TEX10: variants seen among roughly 807,000 people sequenced by gnomAD.
TEX10 encodes the protein testis-expressed protein 10.
Under a neutral mutation model 104.4 loss-of-function variants are expected in TEX10, and 24 were observed. The observed-to-expected ratio is 0.23, with a 90% confidence interval of 0.17 to 0.32. The LOEUF (loss-of-function observed/expected upper bound fraction) is 0.32, where lower values mean the gene tolerates loss of function less well. Among genes scored for constraint, TEX10 ranks in the 10% least tolerant of loss-of-function variants. The pLI, the probability that TEX10 is intolerant of heterozygous loss-of-function variation, is 1.00. For synonymous variants in TEX10, 396 were observed against 393.4 expected, an observed-to-expected ratio of 1.01 and a Z score of -0.08; for missense variants, 921 against 1,083.9, an observed-to-expected ratio of 0.85 and a Z score of 2.11.
At chr9:100,324,330 G>A (rs1192756060) in intron 9 of TEX10, among the ~76,000 whole-genome samples, 3 of 152,068 alleles carry the variant, frequency 2.0e-5, no homozygotes, top group Non-Finnish European at 2.9e-5. Flanking sequence ...CACTGCGCCT[G>A]GCTAGTCTTA....
intron 1 of TEX10, chr9:100,352,546 C>T: frequency 6.5e-7 from 1 of 1,545,978 alleles, no homozygotes; most frequent in Non-Finnish European, 8.7e-7. Flanking sequence ...CAGGCGAACC[C>T]GCCCAGTCAC....
intron 11 of TEX10, among the ~76,000 whole-genome samples, chr9:100,316,137 C>G (rs1382578937): frequency 6.6e-6 from 1 of 152,172 alleles, no homozygotes; most frequent in Non-Finnish European, 1.5e-5. Context: ...CCACAAGATA[C>G]TTGCAAATCA....
At chr9:100,303,898 C>A (rs1588160931) in intron 13 of TEX10, 56 bp from the exon 14 acceptor site, 2 of 1,539,120 alleles carry the variant, frequency 1.3e-6, no homozygotes, top group East Asian at 2.3e-5. Flanking sequence ...GGAAAAGCCC[C>A]CCTTCTATAT....
At chr9:100,346,665 T>C (rs763414227) in intron 3 of TEX10, 29 bp downstream of exon 3, 4 of 1,573,096 alleles carry the variant, frequency 2.5e-6, no homozygotes, top group Non-Finnish European at 3.4e-6. Flanking sequence ...ACAGCAAAAC[T>C]GTGTGGACAT....
chr9:100,338,160 G>A (rs542520381), intron 5 of TEX10, among the ~76,000 whole-genome samples: 1 of 152,240 alleles, frequency 6.6e-6, no homozygotes, highest in Non-Finnish European at 1.5e-5. Flanking sequence ...AGAGGAAGAC[G>A]GGACACTCTT....
chr9:100,303,532 G>A (rs1375474906), intron 14 of TEX10, 100 bp downstream of exon 14: 23 of 1,288,100 alleles, frequency 1.8e-5, no homozygotes, highest in African/African-American at 4.4e-5. Context: ...CTCAATGTAT[G>A]GGATCCCTTT....
intron 13 of TEX10, chr9:100,307,759 A>T (rs891249834): frequency 2.6e-5 from 4 of 152,162 alleles, no homozygotes; most frequent in Non-Finnish European, 5.9e-5. Context: ...GGTTGGTTAA[A>T]TGGAGGTTCA....
At chr9:100,348,214 A>G (rs1170112418) in intron 2 of TEX10, among the ~76,000 whole-genome samples, 1 of 152,248 alleles carries the variant, frequency 6.6e-6, no homozygotes, top group Non-Finnish European at 1.5e-5. Context: ...ACTTTCTAGA[A>G]TAAGCAAATC....
At chr9:100,308,748 A>C in intron 12 of TEX10, 67 bp from the exon 13 acceptor site, 1 of 1,357,620 alleles carries the variant, frequency 7.4e-7, no homozygotes, top group Non-Finnish European at 9.7e-7. Flanking sequence ...TAAAACCAAA[A>C]CCTGTTAATT....
At position 100,308,486 on chromosome 9, in the gene TEX10, T is replaced by A. The variant is rs202123827; in HGVS notation, c.2465+14A>T. The A allele has an allele frequency of 6.4e-7, 1 of 1,569,312 alleles. No homozygotes were observed. The highest frequency in any genetic ancestry group is 1.4e-5 in the African/African-American group (1 of 72,498). On this transcript the variant is annotated intron_variant, in intron 13 of 14. Transcript: ENST00000374902. ...CAGTAGGAAAATTAAGGTTGAAGAA[T>A]AAAAAATAATTACCTCTTTCTTAGA... is the stretch of plus-strand genomic sequence containing the variant.
At chr9:100,352,303 T>C (rs989944550) in intron 1 of TEX10, 17 of 1,515,410 alleles carry the variant, frequency 1.1e-5, no homozygotes, top group East Asian at 4.9e-5. Flanking sequence ...AGAAAACTGG[T>C]AGTCCCCTTC....
chr9:100,314,089 C>CTT (rs58128151), intron 11 of TEX10, among the ~76,000 whole-genome samples: 4 of 121,244 alleles, frequency 3.3e-5, no homozygotes, highest in Admixed American at 8.4e-5. Context: ...GGAGATTTTT[C>CTT]TTTTTTTTTT....
chr9:100,330,562 G>A (rs1403404316), intron 5 of TEX10, among the ~76,000 whole-genome samples: 1 of 152,146 alleles, frequency 6.6e-6, no homozygotes, highest in Non-Finnish European at 1.5e-5. Context: ...CTAATCATCT[G>A]ACTTAAAAGA....
At chr9:100,352,468 A>C (rs1835480074) in intron 1 of TEX10, 23 of 1,551,586 alleles carry the variant, frequency 1.5e-5, no homozygotes, top group Non-Finnish European at 2.0e-5. Context: ...GACGCCGGCC[A>C]GGACCAGAGT....
chr9:100,352,647 C>T (rs932806028), intron 1 of TEX10, 125 bp downstream of exon 1: 2 of 1,435,786 alleles, frequency 1.4e-6, no homozygotes, highest in African/African-American at 2.9e-5. Flanking sequence ...CGGCCCAGAC[C>T]CGGGGGACGC....
Position 100,303,760 on chromosome 9 carries a change from T to G in TEX10, c.2548A>C (p.Asn850His). 1 of 1,614,046 alleles carries G rather than the reference T, an allele frequency of 6.2e-7. No individual in the cohort carries two copies. The highest frequency in any genetic ancestry group is 8.5e-7 in the Non-Finnish European group (1 of 1,180,020). ...LRLMLQSLRV[N>H]RVGPEELPVV... ...GGCAGCTCCTCAGGCCCAACTCTGT[T>G]CACCCGCAGGCTCTGCAGCATCAAC... The change falls in exon 14 of 15, where the codon AAC becomes CAC. Residue 850 changes from asparagine to histidine, a missense_variant. Asn to His is a moderately conservative substitution (Grantham distance 68). Around this residue, in one of 3 missense-constraint regions of TEX10, gnomAD observed 753 missense variants for 868.4 expected, o/e 0.87. Coordinates refer to ENST00000374902, the MANE Select transcript of TEX10 (RefSeq NM_017746.4).
chr9:100,351,330 T>G (rs1187547830), intron 1 of TEX10, among the ~76,000 whole-genome samples: 1 of 137,576 alleles, frequency 7.3e-6, no homozygotes, highest in Non-Finnish European at 1.5e-5. Flanking sequence ...TACCAAATTT[T>G]CATCTCACCC....
chr9:100,321,899 C>T (rs1265608178), intron 9 of TEX10, 128 bp from the exon 10 acceptor site: 7 of 607,960 alleles, frequency 1.2e-5, no homozygotes, highest in Admixed American at 9.6e-5. Flanking sequence ...AAATAAAACC[C>T]ATAGTATGCC....
chr9:100,346,900 C>T lies in TEX10; in HGVS notation c.687G>A (p.Val229=), dbSNP rs776038096. 7.4e-6 allele frequency: 12 copies of T among 1,614,080 alleles called. No individual in the cohort carries two copies. The South Asian group carries it at 1.3e-4, about 18-fold the overall frequency. ...TSQQWRLKVL[V]RLSKFLQALA... ...AGGCCTGAAGGAATTTACTGAGTCT[C>T]ACTAAGACTTTCAGCCTCCATTGCT... is the stretch of plus-strand genomic sequence containing the variant. Residue 229 remains valine, a synonymous_variant, in exon 3 of 15, where the codon GTG becomes GTA. Transcript: ENST00000374902.
Sources: gnomAD v4.1 joint callset for allele counts (sites outside exome capture counted in the v4.1 genomes callset) on GRCh38, gnomAD v4.1.1 for gene constraint, gnomAD v4.1.1 regional missense constraint, MANE v1.5 for transcripts, NCBI Gene and HGNC (gene_info 2026-07-23, HGNC 2026-07-21) for gene names.